Variants in STRN observed in about 807,000 individuals in gnomAD.
STRN encodes the protein striatin, also known as protein phosphatase 2 regulatory subunit B'''alpha.
Under a neutral mutation model 96.3 loss-of-function variants are expected in STRN, and 53 were observed. The observed-to-expected ratio is 0.55, with a 90% CI of 0.44 to 0.69. STRN has a LOEUF of 0.69. Ranked by LOEUF, STRN falls within the 30% of genes least tolerant of loss-of-function variation. The probability of loss-of-function intolerance (pLI) is 0.00; values close to 1 mark genes in which losing one functional copy is unlikely to be tolerated. For missense variants in STRN, 987 were observed against 963.9 expected (o/e 1.02, Z -0.32); for synonymous variants, 428 against 355.9 (o/e 1.20, Z -2.28).
rs750010194 is a variant in STRN, at chr2:36,877,921, C to T, written c.1293G>A (p.Val431=). 4 of 1,614,132 alleles carry T rather than the reference C, an allele frequency of 2.5e-6. No individual in the cohort carries two copies. Among genetic ancestry groups the T allele is most frequent in the Non-Finnish European group, 3.4e-6 (4 of 1,180,014 alleles). Residue 431 remains valine, a synonymous_variant, in exon 10 of 18, where the codon GTG becomes GTA. Transcript: ENST00000263918. ...AAGTTAGTGAGTCTGCTTCATTGGC[C>T]ACCGTAAGGCCTGCTAGTTCTCCAA... ...LGLGELAGLT[V]ANEADSLTYD...
At chr2:36,885,828 C>G (rs1232377058) in intron 8 of STRN, among the ~76,000 whole-genome samples, 1 of 152,050 alleles carries the variant, frequency 6.6e-6, no homozygotes, top group African/African-American at 2.4e-5. Context: ...AGATTTTAAT[C>G]TCACTTTATA....
chr2:36,965,524 G>C (rs1436442539), intron 1 of STRN, among the ~76,000 whole-genome samples: 1 of 152,118 alleles, frequency 6.6e-6, no homozygotes, highest in African/African-American at 2.4e-5. Context: ...ATTAACCCTT[G>C]GGAAGTTTCA....
At chr2:36,883,390 G>A (rs1558636224) in intron 9 of STRN, among the ~76,000 whole-genome samples, 1 of 152,120 alleles carries the variant, frequency 6.6e-6, no homozygotes, top group Non-Finnish European at 1.5e-5. Flanking sequence ...CTGGGAGGTG[G>A]AGGTTGTAGC....
chr2:36,884,059 T>C lies in STRN; in HGVS notation c.1059A>G (p.Lys353=). Residue 353 remains lysine, a synonymous_variant, in exon 9 of 18, where the codon AAA becomes AAG. Transcript: ENST00000263918. ...KKGVKRPNRS[K]LQDMLANLRD... ...TCAAATTAGCAAGCATATCTTGTAGTTTTGACCTATTGGGCCCTAGCCAAA... is the reference window on the plus strand; with the variant it reads ...TCAAATTAGCAAGCATATCTTGTAGCTTTGACCTATTGGGCCCTAGCCAAA... The C allele has an allele frequency of 7.3e-7, 1 of 1,373,544 alleles. No individual in the cohort carries two copies. The highest frequency in any genetic ancestry group is 9.5e-7 in the Non-Finnish European group (1 of 1,054,690). The allele number at this position is 1,373,544 out of a possible 1,614,324, so 85.1% of individuals were successfully genotyped here. A position where few individuals can be genotyped will look rare whatever the true frequency, so the allele number is the denominator to read the frequency against.
chr2:36,935,576 C>A (rs1264026112), intron 1 of STRN, among the ~76,000 whole-genome samples: 1 of 152,200 alleles, frequency 6.6e-6, no homozygotes, highest in African/African-American at 2.4e-5. Flanking sequence ...AGCCTTCATT[C>A]ATGCACTCAA....
intron 10 of STRN, 86 bp downstream of exon 10, chr2:36,877,805 G>A: frequency 1.3e-6 from 2 of 1,509,188 alleles, no homozygotes; most frequent in Non-Finnish European, 1.8e-6. Flanking sequence ...CAAAGTGCTG[G>A]ATTACAGGCG....
intron 9 of STRN, 23 bp downstream of exon 9, chr2:36,883,909 T>C: frequency 7.5e-7 from 1 of 1,327,514 alleles, no homozygotes; most frequent in Non-Finnish European, 9.7e-7. Context: ...CATTTTGTGC[T>C]CCAGAGTATC....
intron 1 of STRN, among the ~76,000 whole-genome samples, chr2:36,950,006 AG>A (rs1374290369): frequency 2.0e-5 from 3 of 152,178 alleles, no homozygotes; most frequent in Non-Finnish European, 4.4e-5. Context: ...CTGAGAAATG[AG>A]TAACCAAAAG....
At chr2:36,937,898 T>G (rs891618277) in intron 1 of STRN, among the ~76,000 whole-genome samples, 2 of 152,086 alleles carry the variant, frequency 1.3e-5, no homozygotes, top group Non-Finnish European at 2.9e-5. Context: ...AGGACTTCAT[T>G]ACTAGTAAAT....
intron 10 of STRN, among the ~76,000 whole-genome samples, chr2:36,875,230 C>T (rs1389364833): frequency 6.6e-6 from 1 of 152,082 alleles, no homozygotes; most frequent in Non-Finnish European, 1.5e-5. Flanking sequence ...TCTACCCCAG[C>T]CAGGCACGAT....
intron 3 of STRN, among the ~76,000 whole-genome samples, chr2:36,910,744 A>G (rs961815280): frequency 4.6e-5 from 7 of 152,228 alleles, no homozygotes; most frequent in East Asian, 1.9e-4. Context: ...ATCAATAATC[A>G]TAAGTGCAAA....
chr2:36,966,116 G>T, intron 1 of STRN, 114 bp downstream of exon 1: 1 of 1,225,108 alleles, frequency 8.2e-7, no homozygotes, highest in Non-Finnish European at 1.0e-6. Flanking sequence ...GGGATGGGCG[G>T]CAGCAAAGGG....
intron 4 of STRN, among the ~76,000 whole-genome samples, chr2:36,904,839 T>A (rs765788324): frequency 1.2e-4 from 14 of 119,708 alleles, no homozygotes; most frequent in Non-Finnish European, 2.1e-4. Context: ...AATGAATGAC[T>A]GAATGAATGA....
chr2:36,939,820 G>T (rs977730453), intron 1 of STRN, among the ~76,000 whole-genome samples: 3 of 152,164 alleles, frequency 2.0e-5, no homozygotes, highest in African/African-American at 7.2e-5. Flanking sequence ...TCAAAATAGT[G>T]TAACAACTAA....
Position 36,869,084 on chromosome 2 carries a change from A to G in STRN, c.1499+470T>C, listed in dbSNP as rs577535221. Among the ~76,000 whole-genome samples, 4 of 152,294 alleles carry G rather than the reference A, an allele frequency of 2.6e-5. 1 individual carries two copies. The highest frequency in any genetic ancestry group is 7.2e-5 in the African/African-American group (3 of 41,562). On this transcript the variant is annotated intron_variant, in intron 11 of 17. Coordinates refer to ENST00000263918, the MANE Select transcript of STRN (RefSeq NM_003162.4). ...ATATTGGTGGGTATGGAAAGTACCT[A>G]AAGTCTCAAGGCCAAAAGACAAGAC...
intron 2 of STRN, among the ~76,000 whole-genome samples, chr2:36,924,408 A>C (rs1214854899): frequency 6.6e-6 from 1 of 151,906 alleles, no homozygotes; most frequent in African/African-American, 2.4e-5. Context: ...CTGCTGGAAC[A>C]ATTTTTTTCT....
chr2:36,942,003 T>C (rs150286866), intron 1 of STRN, among the ~76,000 whole-genome samples: 48 of 152,272 alleles, frequency 3.2e-4, no homozygotes, highest in African/African-American at 1.1e-3. Flanking sequence ...CTTCCCACTA[T>C]AGAATCTGGA....
rs574412743 is a variant in STRN, at chr2:36,849,181, G to A, written c.*275C>T. On this transcript the variant is annotated 3_prime_UTR_variant, in exon 18 of 18. Coordinates refer to ENST00000263918, the MANE Select transcript of STRN (RefSeq NM_003162.4). Reference sequence around the variant, plus strand: ...TTGTATTCGCTCAGGCCTGCCTAGCGAATTAGAACCACCTCAGAAATAAAG... The same window carrying A: ...TTGTATTCGCTCAGGCCTGCCTAGCAAATTAGAACCACCTCAGAAATAAAG... The A allele has an allele frequency of 5.9e-4, 225 of 383,586 alleles. 1 individual carries two copies. The South Asian group carries it at 7.3e-3, about 13-fold the overall frequency. 23.8% of individuals were successfully genotyped at this position (383,586 alleles called of 1,614,324 possible).
In STRN at chr2:36,861,486, C is replaced by T. The variant is rs112102818; in HGVS notation, c.1548-233G>A. Among the ~76,000 whole-genome samples the T allele has an allele frequency of 3.2e-3, 490 of 152,098 alleles. 1 individual carries two copies. Among genetic ancestry groups the T allele is most frequent in the African/African-American group, 0.012 (478 of 41,482 alleles). ...ACCACTGGTCTGTTTCTGTACAGTCCTCAAGCTAAGAATGGTCTTTACATT... is the reference window on the plus strand; with the variant it reads ...ACCACTGGTCTGTTTCTGTACAGTCTTCAAGCTAAGAATGGTCTTTACATT... On this transcript the variant is annotated intron_variant, in intron 12 of 17. Coordinates refer to ENST00000263918, the MANE Select transcript of STRN (RefSeq NM_003162.4).
Sources: allele counts gnomAD v4.1 joint callset (sites outside exome capture counted in the v4.1 genomes callset), GRCh38; gene constraint gnomAD v4.1.1; transcripts MANE v1.5; gene names NCBI Gene and HGNC (gene_info 2026-07-23, HGNC 2026-07-21).